Variants in SCGB2A1 observed in about 807,000 individuals in gnomAD.
SCGB2A1 encodes the protein mammaglobin-B.
In SCGB2A1, 6 loss-of-function variants were observed where a neutral mutation model predicts 9.2. The ratio of observed to expected loss-of-function variants is 0.66; its 90% CI spans 0.36 to 1.29. The LOEUF is 1.29. Among genes scored for constraint, SCGB2A1 ranks in the 50% most tolerant of loss-of-function variants. The probability of loss-of-function intolerance (pLI) is 0.03; values close to 1 mark genes in which losing one functional copy is unlikely to be tolerated. For missense variants in SCGB2A1, 138 were observed against 116.9 expected, an observed-to-expected ratio of 1.18 and a Z score of -0.83; for synonymous variants, 37 against 41.0, an observed-to-expected ratio of 0.90 and a Z score of 0.37.
intron 2 of SCGB2A1, among the ~76,000 whole-genome samples, chr11:62,210,992 C>T (rs948260578): frequency 2.7e-5 from 4 of 150,492 alleles, no homozygotes; most frequent in East Asian, 2.0e-4. Flanking sequence ...GCGTGAATCT[C>T]GGCTCACTGC....
chr11:62,212,329 A>G (rs1352061926), intron 2 of SCGB2A1, among the ~76,000 whole-genome samples: 1 of 151,822 alleles, frequency 6.6e-6, no homozygotes, highest in Admixed American at 6.6e-5. Flanking sequence ...TGGTTGAATC[A>G]TTTTTTTCTT....
At chr11:62,210,014 T>C (rs997402781) in intron 1 of SCGB2A1, among the ~76,000 whole-genome samples, 2 of 152,180 alleles carry the variant, frequency 1.3e-5, no homozygotes, top group African/African-American at 4.8e-5. Flanking sequence ...ACAGAACTAA[T>C]GGACAATGTC....
rs201638532 is a variant in SCGB2A1 at position 62,210,748 on chromosome 11, C to CA, written c.243+149dup. 6,691 of 593,576 alleles carry CA rather than the reference C, an allele frequency of 0.011. 322 individuals carry two copies. The Admixed American group carries it at 0.13, about 11-fold the overall frequency. The allele number at this position is 593,576 out of a possible 1,614,324, so 36.8% of individuals were successfully genotyped here. ...AAACTTTGTCTCCAGGCTGCTTTGC[C>CA]ACTTCACATTGAGAATCTTTAGGGA... On this transcript the variant is annotated intron_variant, in intron 2 of 2. Transcript: ENST00000244930.
chr11:62,212,646 A>C (rs143590521), intron 2 of SCGB2A1, among the ~76,000 whole-genome samples: 3,295 of 152,004 alleles, frequency 0.022, 114 homozygotes, highest in African/African-American at 0.071. Context: ...AAAACAAACA[A>C]ACAAACAAAA....
chr11:62,210,683 A>G, intron 2 of SCGB2A1, 83 bp downstream of exon 2: 1 of 1,085,332 alleles, frequency 9.2e-7, no homozygotes, highest in Non-Finnish European at 1.3e-6. Flanking sequence ...AAGAATGCCA[A>G]GCAACTGGTG....
At position 62,213,612 on chromosome 11, in the gene SCGB2A1, C is replaced by T. The variant is rs1384784542; in HGVS notation, c.244-114C>T. The T allele has an allele frequency of 4.0e-6, 4 of 989,654 alleles. No homozygotes were observed. The Admixed American group carries it at 6.4e-5, about 16-fold the overall frequency. The allele number at this position is 989,654 out of a possible 1,614,324, so 61.3% of individuals were successfully genotyped here. A position where few individuals can be genotyped will look rare whatever the true frequency, so the allele number is the denominator to read the frequency against. On this transcript the variant is annotated intron_variant, in intron 2 of 2. Coordinates refer to ENST00000244930, the MANE Select transcript of SCGB2A1 (RefSeq NM_002407.3). Reference sequence around the variant, plus strand: ...TGCTGGCTTTGCTTCCACTGCAAATCCTCCTGAGAGTTAGCTGTTTGTGGA... The same window carrying T: ...TGCTGGCTTTGCTTCCACTGCAAATTCTCCTGAGAGTTAGCTGTTTGTGGA...
At chr11:62,209,921 T>A (rs1944815128) in intron 1 of SCGB2A1, among the ~76,000 whole-genome samples, 1 of 152,166 alleles carries the variant, frequency 6.6e-6, no homozygotes, top group Non-Finnish European at 1.5e-5. Flanking sequence ...GCAATTCGCC[T>A]GCCTTGGCCT....
intron 2 of SCGB2A1, among the ~76,000 whole-genome samples, chr11:62,211,048 C>T (rs1210740467): frequency 4.0e-5 from 6 of 151,774 alleles, no homozygotes; most frequent in African/African-American, 9.7e-5. Context: ...CTCCACCTCC[C>T]GAGTAGTTGG....
chr11:62,213,107 T>TA (rs1554985927), intron 2 of SCGB2A1, among the ~76,000 whole-genome samples: 2,921 of 11,290 alleles, frequency 0.26, 183 homozygotes, highest in Non-Finnish European at 0.46. Flanking sequence ...TATATATATA[T>TA]TTTTTTTTTT....
At chr11:62,212,612 G>A (rs912761807) in intron 2 of SCGB2A1, among the ~76,000 whole-genome samples, 1 of 152,006 alleles carries the variant, frequency 6.6e-6, no homozygotes, top group African/African-American at 2.4e-5. Context: ...TCCAGCCTGG[G>A]CAACAGAGTA....
At chr11:62,212,785 G>A (rs998703120) in intron 2 of SCGB2A1, among the ~76,000 whole-genome samples, 1 of 151,744 alleles carries the variant, frequency 6.6e-6, no homozygotes, top group African/African-American at 2.4e-5. Flanking sequence ...GCCCAGGCTG[G>A]AATGCAGTGG....
chr11:62,210,297 G>A (rs974743529), intron 1 of SCGB2A1, 116 bp from the exon 2 acceptor site: 24 of 1,275,324 alleles, frequency 1.9e-5, no homozygotes, highest in South Asian at 3.2e-5. Context: ...TCTGAACCTC[G>A]GTCTGTCCCT....
intron 1 of SCGB2A1, among the ~76,000 whole-genome samples, chr11:62,209,545 T>A (rs1341741810): frequency 6.6e-6 from 1 of 151,966 alleles, no homozygotes; most frequent in Non-Finnish European, 1.5e-5. Flanking sequence ...CACAACCAGC[T>A]CACATGAAGC....
At position 62,208,806 on chromosome 11, in the gene SCGB2A1, G is replaced by A. The variant is rs1944804972; in HGVS notation, c.55+20G>A. The stretch of plus-strand genomic sequence containing the variant: ...ATGCAGGTGAGTTCTGGGCAGAGAG[G>A]GCTGCTTCTGGGCTAGGAATTGTCA... On this transcript the variant is annotated intron_variant, in intron 1 of 2. Coordinates refer to ENST00000244930, the MANE Select transcript of SCGB2A1 (RefSeq NM_002407.3). 1 of 1,610,688 alleles carries A rather than the reference G, an allele frequency of 6.2e-7. No individual in the cohort carries two copies. Among genetic ancestry groups the A allele is most frequent in the Non-Finnish European group, 8.5e-7 (1 of 1,178,446 alleles).
At chr11:62,213,012 G>GTGCACATATATA (rs140305986) in intron 2 of SCGB2A1, among the ~76,000 whole-genome samples, 1 of 139,024 alleles carries the variant, frequency 7.2e-6, no homozygotes. Flanking sequence ...ACACATATAT[G>GTGCACATATATA]CACATATATA....
At chr11:62,210,953 C>T (rs1334642885) in intron 2 of SCGB2A1, among the ~76,000 whole-genome samples, 3 of 146,016 alleles carry the variant, frequency 2.1e-5, no homozygotes, top group African/African-American at 7.7e-5. Context: ...GACGGAGTTT[C>T]GCTCTGTCAC....
rs1227819739 is a variant in SCGB2A1 at position 62,212,935 on chromosome 11, CACACATATGTACACACATATGT to C, written c.244-775_244-754del. Reference sequence around the variant, plus strand: ...ATATATATACACACACACATATATACACACATATGTACACACATATGTACACATATGTACACATATATGTGCA... The same window carrying C: ...ATATATATACACACACACATATATACACACATATGTACACATATATGTGCA... On this transcript the variant is annotated intron_variant, in intron 2 of 2. Transcript: ENST00000244930. 3.1e-3 allele frequency among the ~76,000 whole-genome samples: 420 copies of C among 133,762 alleles called. 6 individuals carry two copies. Among genetic ancestry groups the C allele is most frequent in the African/African-American group, 0.011 (377 of 35,620 alleles). The allele number at this position is 133,762 out of a possible 152,430, so 87.8% of individuals were successfully genotyped here. A position where few individuals can be genotyped will look rare whatever the true frequency, so the allele number is the denominator to read the frequency against.
At position 62,210,467 on chromosome 11, in the gene SCGB2A1, TATC is replaced by T; in HGVS notation, c.111_113del (p.Ser38del). On this transcript the variant is annotated inframe_deletion, in exon 2 of 3. Coordinates refer to ENST00000244930, the MANE Select transcript of SCGB2A1 (RefSeq NM_002407.3). Reference sequence around the variant, plus strand: ...GTTGAAAAGACCATCAATTCCGACATATCTATACCTGAATACAAAGAGCTTCTT... The same window carrying T: ...GTTGAAAAGACCATCAATTCCGACATTATACCTGAATACAAAGAGCTTCTT... The T allele has an allele frequency of 6.4e-7, 1 of 1,555,436 alleles. No individual in the cohort carries two copies. Among genetic ancestry groups the T allele is most frequent in the Non-Finnish European group, 8.7e-7 (1 of 1,149,730 alleles).
rs1380305012 is a variant in SCGB2A1 at position 62,213,000 on chromosome 11, G to GTACACATATA, written c.244-724_244-715dup. Among the ~76,000 whole-genome samples the GTACACATATA allele has an allele frequency of 4.8e-3, 422 of 87,954 alleles. 10 individuals are homozygous for GTACACATATA. The highest frequency in any genetic ancestry group is 7.7e-3 in the Non-Finnish European group (332 of 43,096). 57.7% of individuals were successfully genotyped at this position (87,954 alleles called of 152,430 possible). A position where few individuals can be genotyped will look rare whatever the true frequency, so the allele number is the denominator to read the frequency against. ...TATGTGCACATATACATGCATATAT[G>GTACACATATA]TACACATATATGCACATATATACAT... is the stretch of plus-strand genomic sequence containing the variant. On this transcript the variant is annotated intron_variant, in intron 2 of 2. Transcript: ENST00000244930.
Sources: gnomAD v4.1 joint callset for allele counts (sites outside exome capture counted in the v4.1 genomes callset) on GRCh38, gnomAD v4.1.1 for gene constraint, MANE v1.5 for transcripts, NCBI Gene and HGNC (gene_info 2026-07-23, HGNC 2026-07-21) for gene names.